The following SNX25 variants were observed in gnomAD, a reference collection of about 807,000 sequenced individuals.
The protein encoded by SNX25 is sorting nexin-25.
SNX25 carries 62 observed loss-of-function variants against 113.7 expected under a neutral mutation model. That is an observed-to-expected ratio of 0.55 (90% confidence interval 0.44 to 0.67). The LOEUF is 0.67. SNX25 is among the 30% of genes least tolerant of loss of function. SNX25 has a pLI of 0.00. For missense variants in SNX25, 1,014 were observed against 1,161.0 expected (o/e 0.87, Z 1.84); for synonymous variants, 421 against 436.2 (o/e 0.97, Z 0.43).
intron 13 of SNX25, among the ~76,000 whole-genome samples, chr4:185,349,822 C>T (rs1043779310): frequency 3.3e-5 from 5 of 152,234 alleles, no homozygotes; most frequent in Middle Eastern, 3.4e-3. Context: ...GTAATGATTT[C>T]CCTATTAATA....
At chr4:185,222,245 C>T (rs1479750793) in intron 1 of SNX25, among the ~76,000 whole-genome samples, 2 of 150,402 alleles carry the variant, frequency 1.3e-5, no homozygotes, top group African/African-American at 4.9e-5. Context: ...ACCCCTCCTT[C>T]GCGGTAGGTA....
intron 5 of SNX25, among the ~76,000 whole-genome samples, chr4:185,279,265 G>A (rs1241574504): frequency 6.6e-6 from 1 of 152,120 alleles, no homozygotes. Flanking sequence ...TACCTGATGT[G>A]ACTCAAATAG....
intron 10 of SNX25, among the ~76,000 whole-genome samples, chr4:185,336,759 C>T (rs1010107242): frequency 6.6e-6 from 1 of 152,180 alleles, no homozygotes; most frequent in Non-Finnish European, 1.5e-5. Context: ...AGTGGTTGTA[C>T]TAGTTTACGT....
chr4:185,362,558 A>G (rs2095369986), intron 17 of SNX25, 53 bp from the exon 18 acceptor site: 1 of 1,512,950 alleles, frequency 6.6e-7, no homozygotes, highest in African/African-American at 1.4e-5. Context: ...CTGCAAAGCT[A>G]TGCACTGAGC....
At chr4:185,214,997 G>A (rs1370206352) in intron 1 of SNX25, among the ~76,000 whole-genome samples, 1 of 152,196 alleles carries the variant, frequency 6.6e-6, no homozygotes, top group Non-Finnish European at 1.5e-5. Flanking sequence ...TTGGGAGGCT[G>A]AGGCGGGTGG....
At chr4:185,367,302 T>TA, downstream of SNX25, 11 of 1,412,390 alleles carry the variant, frequency 7.8e-6, no homozygotes, top group Non-Finnish European at 9.7e-6. Flanking sequence ...GGGTCTTTCT[T>TA]CTTTTTTTTT....
chr4:185,271,100 G>A (rs573613549), intron 5 of SNX25, among the ~76,000 whole-genome samples: 84 of 152,294 alleles, frequency 5.5e-4, no homozygotes, highest in African/African-American at 2.0e-3. Context: ...GCCAAGGAGT[G>A]ATGGGACACA....
At chr4:185,300,147 C>T (rs1040311361) in intron 6 of SNX25, among the ~76,000 whole-genome samples, 7 of 148,264 alleles carry the variant, frequency 4.7e-5, no homozygotes, top group African/African-American at 1.0e-4. Context: ...AGAATCATAA[C>T]AATGTCCACT....
chr4:185,352,753 A>T (rs898562084), intron 14 of SNX25, among the ~76,000 whole-genome samples: 1 of 152,140 alleles, frequency 6.6e-6, no homozygotes, highest in Non-Finnish European at 1.5e-5. Flanking sequence ...GATGTAAGTA[A>T]GTATCTCCCA....
chr4:185,377,948 A>T, the SNX25 span: 4 of 706,944 alleles, frequency 5.7e-6, no homozygotes, highest in Admixed American at 1.3e-4. Context: ...TTGCGGGAAA[A>T]CTCAAAAGGA....
At chr4:185,228,078 G>A (rs1030392618) in intron 1 of SNX25, among the ~76,000 whole-genome samples, 5 of 152,182 alleles carry the variant, frequency 3.3e-5, no homozygotes, top group African/African-American at 9.6e-5. Flanking sequence ...GCAACTGGGA[G>A]GCCTTTGGAG....
intron 1 of SNX25, among the ~76,000 whole-genome samples, chr4:185,239,590 A>C (rs577052871): frequency 6.6e-6 from 1 of 152,334 alleles, no homozygotes; most frequent in East Asian, 1.9e-4. Context: ...TGGGTGATTA[A>C]AAATGATCTT....
rs1412995031 is a variant in SNX25, at chr4:185,241,507, G to GGGGAGA, written c.430-5772_430-5767dup. Among the ~76,000 whole-genome samples the GGGGAGA allele has an allele frequency of 1.2e-3, 117 of 100,000 alleles. 10 individuals are homozygous for GGGGAGA. The highest frequency in any genetic ancestry group is 3.6e-3 in the African/African-American group (112 of 31,302). 65.6% of individuals were successfully genotyped at this position (100,000 alleles called of 152,430 possible). ...GAGACTGTGGGGAGAGGGAGACCGT[G>GGGGAGA]GGGAGAGGGAGAGGGAGAGGAGGGA... On this transcript the variant is annotated intron_variant, in intron 1 of 18. Transcript: ENST00000652585.
upstream of SNX25, among the ~76,000 whole-genome samples, chr4:185,205,861 A>G (rs1737166695): frequency 6.6e-6 from 1 of 152,236 alleles, no homozygotes; most frequent in Non-Finnish European, 1.5e-5. Context: ...TCAAAAGTTT[A>G]TCTTACAAAG....
chr4:185,286,717 C>T (rs765154918), intron 5 of SNX25, among the ~76,000 whole-genome samples: 2 of 152,190 alleles, frequency 1.3e-5, no homozygotes, highest in East Asian at 1.9e-4. Flanking sequence ...GGAGACTGGA[C>T]GTTGGGCAGG....
In SNX25 at chr4:185,297,541, G is replaced by A. The variant is rs1349620002; in HGVS notation, c.1162+9459G>A. On this transcript the variant is annotated intron_variant, in intron 6 of 18. Coordinates refer to ENST00000652585, the MANE Select transcript of SNX25 (RefSeq NM_001378034.2). Reference sequence around the variant, plus strand: ...CTGTAATTTCTTGCCTCAGTGAATGGCATCATCATCTGTCTCAGTCAATTC... The same window carrying A: ...CTGTAATTTCTTGCCTCAGTGAATGACATCATCATCTGTCTCAGTCAATTC... Among the ~76,000 whole-genome samples the A allele has an allele frequency of 3.9e-5, 6 of 152,166 alleles. No individual in the cohort carries two copies. In the South Asian group the frequency reaches 1.0e-3, roughly 26 times the overall value.
intron 15 of SNX25, among the ~76,000 whole-genome samples, chr4:185,356,227 A>G (rs2095338436): frequency 6.6e-6 from 1 of 152,080 alleles, no homozygotes; most frequent in Admixed American, 6.6e-5. Flanking sequence ...GCTATCAGTG[A>G]TAGAAAATTT....
At chr4:185,301,414 C>T (rs751753315) in intron 6 of SNX25, among the ~76,000 whole-genome samples, 33 of 151,972 alleles carry the variant, frequency 2.2e-4, no homozygotes, top group Non-Finnish European at 2.8e-4. Context: ...GTTTTGGAGA[C>T]GGAGTCTCAC....
intron 1 of SNX25, among the ~76,000 whole-genome samples, chr4:185,229,909 G>A (rs1741577471): frequency 6.6e-6 from 1 of 152,088 alleles, no homozygotes; most frequent in Admixed American, 6.5e-5. Context: ...GCTCTCTGCA[G>A]CCTCGACTAC....
Sources: gnomAD v4.1 joint callset for allele counts (sites outside exome capture counted in the v4.1 genomes callset) on GRCh38, gnomAD v4.1.1 for gene constraint, MANE v1.5 for transcripts, NCBI Gene and HGNC (gene_info 2026-07-23, HGNC 2026-07-21) for gene names.